Variants in AP2B1 observed in about 807,000 individuals in gnomAD.
AP2B1 encodes the protein AP-2 complex subunit beta.
Under a neutral mutation model 102.0 loss-of-function variants are expected in AP2B1, and 23 were observed. The observed-to-expected ratio is 0.23, with a 90% CI of 0.16 to 0.32. The LOEUF is 0.32. Among genes scored for constraint, AP2B1 ranks in the 10% least tolerant of loss-of-function variants. The probability of loss-of-function intolerance (pLI) is 1.00; values close to 1 mark genes in which losing one functional copy is unlikely to be tolerated. For missense variants in AP2B1, 541 were observed against 1,157.4 expected, an observed-to-expected ratio of 0.47 and a Z score of 7.73; for synonymous variants, 381 against 421.2, an observed-to-expected ratio of 0.90 and a Z score of 1.17.
chr17:35,606,615 G>A (rs528310982), intron 4 of AP2B1, among the ~76,000 whole-genome samples: 28 of 151,946 alleles, frequency 1.8e-4, no homozygotes, highest in Non-Finnish European at 3.1e-4. Flanking sequence ...CTAAATATCC[G>A]TCTTGCAGTT....
intron 20 of AP2B1, among the ~76,000 whole-genome samples, chr17:35,716,841 C>T (rs372973287): frequency 6.6e-6 from 1 of 152,228 alleles, no homozygotes; most frequent in Admixed American, 6.5e-5. Context: ...CATACCCACA[C>T]ACTTATTTCT....
chr17:35,608,108 T>G, intron 4 of AP2B1, 34 bp from the exon 5 acceptor site: 1 of 1,610,232 alleles, frequency 6.2e-7, no homozygotes, highest in Non-Finnish European at 8.5e-7. Context: ...AGCCACCATG[T>G]ATACCTACAG....
At chr17:35,605,575 G>A in intron 3 of AP2B1, 130 bp from the exon 4 acceptor site, 1 of 714,786 alleles carries the variant, frequency 1.4e-6, no homozygotes, top group Non-Finnish European at 2.4e-6. Context: ...TCATTTCTGT[G>A]ACAGTTACCA....
chr17:35,627,706 C>T lies in AP2B1; in HGVS notation c.1135C>T (p.Arg379Trp). The T allele has an allele frequency of 6.2e-7, 1 of 1,614,042 alleles. No homozygotes were observed. ...TCGAAAAGCTGTGCGGGCCATTGGA[C>T]GGTGTGCCATCAAGGTGGAGGCAAG... ...FVRKAVRAIG[R>W]CAIKVEQSAE... is the part of the protein sequence containing the mutation. Residue 379 changes from arginine (R) to tryptophan (W), a missense_variant, in exon 9 of 22, where the codon CGG becomes TGG. By Grantham distance (101) the Arg-to-Trp change is moderately radical (BLOSUM62 -3). Coordinates refer to ENST00000610402, the MANE Select transcript of AP2B1 (RefSeq NM_001030006.2).
intron 18 of AP2B1, among the ~76,000 whole-genome samples, chr17:35,700,905 T>C (rs1441079543): frequency 6.6e-6 from 1 of 152,222 alleles, no homozygotes; most frequent in East Asian, 1.9e-4. Context: ...TTCTGTTTGC[T>C]TTCCTATTGA....
chr17:35,606,637 C>T (rs552951435), intron 4 of AP2B1, among the ~76,000 whole-genome samples: 13 of 152,046 alleles, frequency 8.6e-5, no homozygotes, highest in Middle Eastern at 3.4e-3. Flanking sequence ...TAACAGTTAC[C>T]GACACATAAC....
intron 12 of AP2B1, among the ~76,000 whole-genome samples, chr17:35,643,534 T>G (rs2074844608): frequency 6.6e-6 from 1 of 152,148 alleles, no homozygotes; most frequent in African/African-American, 2.4e-5. Context: ...CATTACCTCT[T>G]AAGTATTTAT....
At position 35,724,053 on chromosome 17, in the gene AP2B1, A is replaced by G. The variant is rs1473820494; in HGVS notation, c.*354A>G. The G allele has an allele frequency of 4.5e-6, 1 of 220,936 alleles. No homozygotes were observed. The allele number at this position is 220,936 out of a possible 1,614,324, so 13.7% of individuals were successfully genotyped here. A position where few individuals can be genotyped will look rare whatever the true frequency, so the allele number is the denominator to read the frequency against. ...GAGCTCATTTCAAAAGCAGAAAAAGACAACAAATATTAAAGCAAGGAAAAG... is the reference window on the plus strand; with the variant it reads ...GAGCTCATTTCAAAAGCAGAAAAAGGCAACAAATATTAAAGCAAGGAAAAG... On this transcript the variant is annotated 3_prime_UTR_variant, in exon 22 of 22. Transcript: ENST00000610402.
At chr17:35,644,534 C>T (rs920737185) in intron 12 of AP2B1, among the ~76,000 whole-genome samples, 13 of 151,216 alleles carry the variant, frequency 8.6e-5, no homozygotes, top group Non-Finnish European at 1.3e-4. Flanking sequence ...CATGCCACCA[C>T]GCCCAGCTAA....
At chr17:35,704,371 G>A (rs938461974) in intron 18 of AP2B1, among the ~76,000 whole-genome samples, 1 of 152,176 alleles carries the variant, frequency 6.6e-6, no homozygotes, top group African/African-American at 2.4e-5. Context: ...TGCCTAATCA[G>A]AGATGTTGCT....
intron 14 of AP2B1, among the ~76,000 whole-genome samples, chr17:35,664,492 A>G (rs559614139): frequency 6.6e-6 from 1 of 152,170 alleles, no homozygotes; most frequent in Non-Finnish European, 1.5e-5. Flanking sequence ...ATTGTGCTCT[A>G]AGTAAACAAT....
chr17:35,632,335 A>G (rs1004205504), intron 9 of AP2B1, among the ~76,000 whole-genome samples: 3 of 152,116 alleles, frequency 2.0e-5, no homozygotes, highest in Admixed American at 1.3e-4. Context: ...GGGTTTCACC[A>G]TGTTGGCTAT....
At chr17:35,695,516 G>A (rs1364115685) in intron 18 of AP2B1, among the ~76,000 whole-genome samples, 1 of 151,768 alleles carries the variant, frequency 6.6e-6, no homozygotes, top group African/African-American at 2.4e-5. Context: ...CTATACCACT[G>A]GCCTGTTCCA....
chr17:35,624,291 G>C, intron 5 of AP2B1, 106 bp from the exon 6 acceptor site: 2 of 988,440 alleles, frequency 2.0e-6, no homozygotes, highest in Non-Finnish European at 3.1e-6. Context: ...GTTCAGGAAT[G>C]GTTATGAATT....
chr17:35,588,362 G>A (rs1376698570), intron 1 of AP2B1, among the ~76,000 whole-genome samples: 1 of 151,892 alleles, frequency 6.6e-6, no homozygotes, highest in Non-Finnish European at 1.5e-5. Flanking sequence ...GTCTGGTCTC[G>A]AACTCCTGGG....
At chr17:35,710,167 A>G in intron 19 of AP2B1, 67 bp from the exon 20 acceptor site, 2 of 1,125,668 alleles carry the variant, frequency 1.8e-6, no homozygotes, top group Non-Finnish European at 2.7e-6. Flanking sequence ...AAATGATGCA[A>G]GGCATCGAAA....
At chr17:35,597,285 A>G (rs985082084) in intron 2 of AP2B1, among the ~76,000 whole-genome samples, 1 of 152,176 alleles carries the variant, frequency 6.6e-6, no homozygotes. Context: ...CCTCTTTTTC[A>G]TGGACTTAGT....
intron 14 of AP2B1, chr17:35,659,950 C>A (rs1193468117): frequency 1.9e-5 from 19 of 985,208 alleles, no homozygotes; most frequent in Non-Finnish European, 2.2e-5. Flanking sequence ...CCTAAATTTG[C>A]CTGTGTGGAA....
intron 1 of AP2B1, among the ~76,000 whole-genome samples, chr17:35,590,162 G>A (rs1463406389): frequency 6.6e-6 from 1 of 152,200 alleles, no homozygotes; most frequent in South Asian, 2.1e-4. Flanking sequence ...CTGACCTTGT[G>A]ATCCGCCCGC....
Sources: allele counts gnomAD v4.1 joint callset (sites outside exome capture counted in the v4.1 genomes callset), GRCh38; gene constraint gnomAD v4.1.1; transcripts MANE v1.5; gene names NCBI Gene and HGNC (gene_info 2026-07-23, HGNC 2026-07-21).